Variants in CDC73 observed in about 807,000 individuals in gnomAD.
CDC73 encodes cell division cycle 73, also known as parafibromin.
In CDC73, 21 loss-of-function variants were observed where a neutral mutation model predicts 83.7. The observed-to-expected ratio is 0.25, with a 90% CI of 0.18 to 0.36. The LOEUF (loss-of-function observed/expected upper bound fraction) is 0.36, where lower values mean the gene tolerates loss of function less well. CDC73 is among the 10% of genes least tolerant of loss of function. The probability of loss-of-function intolerance (pLI) is 1.00; values close to 1 mark genes in which losing one functional copy is unlikely to be tolerated. For missense variants in CDC73, 342 were observed against 653.3 expected, an observed-to-expected ratio of 0.52 and a Z score of 5.19; for synonymous variants, 224 against 212.9, an observed-to-expected ratio of 1.05 and a Z score of -0.45.
At chr1:193,246,569 C>G (rs1677958179) in intron 15 of CDC73, among the ~76,000 whole-genome samples, 1 of 152,058 alleles carries the variant, frequency 6.6e-6, no homozygotes, top group African/African-American at 2.4e-5. Context: ...ATCAAGAAGG[C>G]AATCCCATTT....
At chr1:193,136,022 C>T (rs1486086118) in intron 5 of CDC73, among the ~76,000 whole-genome samples, 1 of 152,008 alleles carries the variant, frequency 6.6e-6, no homozygotes, top group African/African-American at 2.4e-5. Context: ...GTGCCTGCCA[C>T]CATGCCCAGT....
intron 10 of CDC73, among the ~76,000 whole-genome samples, chr1:193,162,400 TCTCA>T (rs1224919661): frequency 1.4e-5 from 2 of 144,438 alleles, no homozygotes; most frequent in African/African-American, 2.6e-5. Flanking sequence ...GAAGACAGAG[TCTCA>T]CTCTGTCGCT....
Position 193,236,369 on chromosome 1 carries a change from T to C in CDC73, c.1417+13T>C. 2 of 1,439,364 alleles carry C rather than the reference T, an allele frequency of 1.4e-6. No homozygotes were observed. Among genetic ancestry groups the C allele is most frequent in the Non-Finnish European group, 2.0e-6 (2 of 1,020,250 alleles). 89.2% of individuals were successfully genotyped at this position (1,439,364 alleles called of 1,614,324 possible). ...ATATTTGCTAAAAGTAAGATTCTCT[T>C]TGTATTTACTGTATCCAGTATAGAA... On this transcript the variant is annotated intron_variant, in intron 15 of 16. Transcript: ENST00000367435.
At chr1:193,180,717 T>C (rs1467727992) in intron 10 of CDC73, 2 of 1,614,094 alleles carry the variant, frequency 1.2e-6, no homozygotes, top group African/African-American at 1.3e-5. Flanking sequence ...ATCCTCGCAT[T>C]AGGTAACCAG....
intron 10 of CDC73, among the ~76,000 whole-genome samples, chr1:193,198,923 G>A (rs1050951094): frequency 6.6e-6 from 1 of 152,184 alleles, no homozygotes; most frequent in Non-Finnish European, 1.5e-5. Flanking sequence ...TTGTTTAGAG[G>A]TTGGGTGATG....
At chr1:193,234,251 T>TTA (rs1491059812) in intron 14 of CDC73, among the ~76,000 whole-genome samples, 11 of 117,662 alleles carry the variant, frequency 9.3e-5, no homozygotes, top group African/African-American at 3.5e-4. Context: ...TATATTTATT[T>TTA]ATATATATAA....
At chr1:193,192,194 G>A (rs966177762) in intron 10 of CDC73, among the ~76,000 whole-genome samples, 2 of 152,138 alleles carry the variant, frequency 1.3e-5, no homozygotes, top group African/African-American at 4.8e-5. Context: ...TGTAATTCCA[G>A]CACTTTGGGA....
intron 13 of CDC73, among the ~76,000 whole-genome samples, chr1:193,225,579 G>T (rs1240389166): frequency 2.0e-5 from 3 of 151,832 alleles, no homozygotes. Context: ...ATTGTTTTTT[G>T]ATTTTTTGAC....
chr1:193,186,751 A>G (rs1676817315), intron 10 of CDC73: 1 of 152,168 alleles, frequency 6.6e-6, no homozygotes, highest in Non-Finnish European at 1.5e-5. Flanking sequence ...TATGTGATAA[A>G]TTATATATGT....
chr1:193,161,406 AC>A (rs1200084292), intron 10 of CDC73, among the ~76,000 whole-genome samples: 1 of 150,758 alleles, frequency 6.6e-6, no homozygotes, highest in African/African-American at 2.4e-5. Flanking sequence ...CAAAAGTCAT[AC>A]CATAGAACTC....
chr1:193,221,142 A>G (rs1301855911), intron 13 of CDC73, among the ~76,000 whole-genome samples: 1 of 152,196 alleles, frequency 6.6e-6, no homozygotes, highest in Non-Finnish European at 1.5e-5. Flanking sequence ...AATGAGTACT[A>G]AGTAAATAAA....
At chr1:193,125,739 G>A (rs897538951) in intron 2 of CDC73, among the ~76,000 whole-genome samples, 2 of 151,878 alleles carry the variant, frequency 1.3e-5, no homozygotes, top group Non-Finnish European at 2.9e-5. Context: ...ACCATGCCGG[G>A]CTAATTTTTG....
rs1404474383 is a variant in CDC73 at position 193,181,319 on chromosome 1, T to C, written c.973-22476T>C. The C allele has an allele frequency of 2.5e-6, 4 of 1,613,990 alleles. No homozygotes were observed. The Admixed American group carries it at 6.7e-5, about 27-fold the overall frequency. On this transcript the variant is annotated intron_variant, in intron 10 of 16. Transcript: ENST00000367435. ...GTTTGAGGGACTGTTTCTTTCCAAA[T>C]GTTCCGAAGGGAGCTGTGGTTTGTC...
Position 193,236,303 on chromosome 1 carries a change from A to G in CDC73, c.1364A>G (p.Lys455Arg), listed in dbSNP as rs1444457760. 1.2e-6 allele frequency: 2 copies of G among 1,614,112 alleles called. No homozygotes were observed. Among genetic ancestry groups the G allele is most frequent in the Non-Finnish European group, 1.7e-6 (2 of 1,179,948 alleles). ...VFVQGPAWQF[K>R]GWPWLLPDGS... is the part of the protein sequence containing the mutation. ...GTGCAGGGTCCTGCATGGCAGTTCA[A>G]AGGTTGGCCATGGCTTTTGCCTGAT... Residue 455 changes from lysine to arginine, a missense_variant, in exon 15 of 17, where the codon AAA (lysine) becomes AGA (arginine). Around this residue, in one of 3 missense-constraint regions of CDC73, gnomAD observed 239 missense variants for 420.6 expected, o/e 0.57. Transcript: ENST00000367435.
intron 10 of CDC73, among the ~76,000 whole-genome samples, chr1:193,176,171 C>A (rs1676598983): frequency 6.6e-6 from 1 of 152,050 alleles, no homozygotes; most frequent in Non-Finnish European, 1.5e-5. Context: ...TGTATCAGGC[C>A]CAGGCAGTCA....
Position 193,212,492 on chromosome 1 carries a change from A to T in CDC73, c.1154+15A>T, listed in dbSNP as rs959069340. The T allele has an allele frequency of 7.2e-7, 1 of 1,391,708 alleles. No homozygotes were observed. The highest frequency in any genetic ancestry group is 2.3e-5 in the East Asian group (1 of 43,676). 86.2% of individuals were successfully genotyped at this position (1,391,708 alleles called of 1,614,324 possible). On this transcript the variant is annotated intron_variant, in intron 13 of 16. Coordinates refer to ENST00000367435, the MANE Select transcript of CDC73 (RefSeq NM_024529.5). ...CAGGACCTGAAGTAAGTAATTTATTAAACTATCCTGTACGTAGGATATTGA... is the reference window on the plus strand; with the variant it reads ...CAGGACCTGAAGTAAGTAATTTATTTAACTATCCTGTACGTAGGATATTGA...
At chr1:193,217,320 C>T (rs988069810) in intron 13 of CDC73, among the ~76,000 whole-genome samples, 27 of 152,246 alleles carry the variant, frequency 1.8e-4, no homozygotes, top group African/African-American at 6.3e-4. Flanking sequence ...GACCCTCTAC[C>T]TTATCACAAG....
At chr1:193,160,666 G>T (rs546315498) in intron 10 of CDC73, among the ~76,000 whole-genome samples, 2 of 151,852 alleles carry the variant, frequency 1.3e-5, no homozygotes, top group South Asian at 4.1e-4. Flanking sequence ...ACTACTCCTT[G>T]TATTTTTAGA....
chr1:193,223,836 T>G (rs1265333544), intron 13 of CDC73, among the ~76,000 whole-genome samples: 1 of 151,992 alleles, frequency 6.6e-6, no homozygotes, highest in African/African-American at 2.4e-5. Context: ...CTAGCTCAGA[T>G]AGGCTTTTAA....
Sources: allele counts gnomAD v4.1 joint callset (sites outside exome capture counted in the v4.1 genomes callset), GRCh38; gene constraint gnomAD v4.1.1; regional missense constraint gnomAD v4.1.1; transcripts MANE v1.5; gene names NCBI Gene and HGNC (gene_info 2026-07-23, HGNC 2026-07-21).